Variants in GPC6 observed in about 807,000 individuals in gnomAD.
GPC6 encodes the protein glypican-6.
A neutral mutation model predicts 55.2 loss-of-function variants in GPC6; 14 were observed. The observed-to-expected ratio is 0.25, with a 90% CI of 0.17 to 0.40. The LOEUF is 0.40. Ranked by LOEUF, GPC6 falls within the 10% of genes least tolerant of loss-of-function variation. GPC6 has a pLI of 1.00. For missense variants in GPC6, 641 were observed against 708.5 expected, an observed-to-expected ratio of 0.90 and a Z score of 1.08; for synonymous variants, 278 against 259.6, an observed-to-expected ratio of 1.07 and a Z score of -0.68.
At chr13:94,047,557 G>A (rs1018058080) in intron 4 of GPC6, among the ~76,000 whole-genome samples, 4 of 152,056 alleles carry the variant, frequency 2.6e-5, no homozygotes, top group African/African-American at 7.2e-5. Flanking sequence ...AGCAAATAAT[G>A]TACAGTGGTT....
At chr13:93,949,908 G>A (rs1879176973) in intron 3 of GPC6, among the ~76,000 whole-genome samples, 1 of 151,902 alleles carries the variant, frequency 6.6e-6, no homozygotes, top group African/African-American at 2.4e-5. Context: ...TGTATTTTTT[G>A]TAGAGCCAGG....
intron 3 of GPC6, among the ~76,000 whole-genome samples, chr13:93,947,153 C>A (rs1330133319): frequency 6.6e-6 from 1 of 152,154 alleles, no homozygotes; most frequent in Non-Finnish European, 1.5e-5. Flanking sequence ...ACTAGTCCTT[C>A]CTAGATGTGC....
At chr13:93,484,578 T>G (rs55967034) in intron 1 of GPC6, among the ~76,000 whole-genome samples, 4,789 of 152,250 alleles carry the variant, frequency 0.031, 255 homozygotes, top group African/African-American at 0.11. Context: ...TTCTCTTTTT[T>G]GCAGGTTTTA....
intron 2 of GPC6, among the ~76,000 whole-genome samples, chr13:93,744,927 ACT>A (rs891183657): frequency 1.9e-4 from 27 of 145,076 alleles, no homozygotes; most frequent in African/African-American, 5.0e-4. Flanking sequence ...ACAGAGCAAG[ACT>A]CTGTCTCAAA....
In GPC6 at chr13:93,948,941, C is replaced by T. The variant is rs143298498; in HGVS notation, c.712-78788C>T. Among the ~76,000 whole-genome samples the T allele has an allele frequency of 1.7e-3, 262 of 152,204 alleles. 2 individuals carry two copies. The highest frequency in any genetic ancestry group is 6.0e-3 in the African/African-American group (250 of 41,538). On this transcript the variant is annotated intron_variant, in intron 3 of 8. Transcript: ENST00000377047. ...CTTCATTGCAATGTTTTTAAATCCC[C>T]ATATGTTCTGATATTTCCAAAACAG...
chr13:94,216,050 GAGTGAA>G (rs1016638378), intron 4 of GPC6, among the ~76,000 whole-genome samples: 8 of 152,162 alleles, frequency 5.3e-5, no homozygotes, highest in Non-Finnish European at 1.0e-4. Flanking sequence ...TCTGTAGGAA[GAGTGAA>G]AAAGGGTCAA....
At chr13:94,121,029 A>T (rs1157833759) in intron 4 of GPC6, among the ~76,000 whole-genome samples, 3 of 152,122 alleles carry the variant, frequency 2.0e-5, no homozygotes, top group African/African-American at 7.2e-5. Context: ...CATTAAAAAG[A>T]TTAATGGGAG....
intron 2 of GPC6, among the ~76,000 whole-genome samples, chr13:93,767,506 A>G (rs1203843877): frequency 2.0e-5 from 3 of 152,172 alleles, no homozygotes; most frequent in Non-Finnish European, 2.9e-5. Context: ...TCTCTTCTTC[A>G]AACAAAATGA....
intron 3 of GPC6, among the ~76,000 whole-genome samples, chr13:93,927,625 G>A (rs758669435): frequency 1.3e-5 from 2 of 150,988 alleles, no homozygotes; most frequent in Non-Finnish European, 2.9e-5. Context: ...TGGATCTACT[G>A]CATAGTAAAA....
intron 1 of GPC6, among the ~76,000 whole-genome samples, chr13:93,264,709 T>G (rs187956211): frequency 1.0e-3 from 153 of 152,362 alleles, no homozygotes; most frequent in African/African-American, 3.6e-3. Flanking sequence ...TCCTGTATAC[T>G]TTAAATCATC....
chr13:94,233,121 T>G (rs933086063), intron 4 of GPC6, among the ~76,000 whole-genome samples: 1 of 149,892 alleles, frequency 6.7e-6, no homozygotes, highest in Admixed American at 6.7e-5. Flanking sequence ...AATGTACCCA[T>G]CACTGTCTTC....
At chr13:94,382,077 C>G in intron 6 of GPC6, among the ~76,000 whole-genome samples, 1 of 152,278 alleles carries the variant, frequency 6.6e-6, no homozygotes, top group Non-Finnish European at 1.5e-5. Context: ...AGAGACTATA[C>G]TTGGGGTGTT....
intron 3 of GPC6, among the ~76,000 whole-genome samples, chr13:93,955,795 A>G (rs1346600048): frequency 6.6e-6 from 1 of 152,206 alleles, no homozygotes; most frequent in Non-Finnish European, 1.5e-5. Context: ...ACTTTAACAG[A>G]ATTTAACAGA....
chr13:93,630,501 G>T (rs569974152), intron 2 of GPC6, among the ~76,000 whole-genome samples: 1 of 152,196 alleles, frequency 6.6e-6, no homozygotes, highest in South Asian at 2.1e-4. Flanking sequence ...CACCCTACTG[G>T]CAATGAAGTA....
At chr13:94,146,320 A>G (rs1337925599) in intron 4 of GPC6, among the ~76,000 whole-genome samples, 1 of 152,166 alleles carries the variant, frequency 6.6e-6, no homozygotes, top group African/African-American at 2.4e-5. Context: ...AAGAAAAAAA[A>G]ACAAGTTGTG....
intron 1 of GPC6, among the ~76,000 whole-genome samples, chr13:93,263,585 G>A (rs556019855): frequency 1.3e-5 from 2 of 152,128 alleles, no homozygotes; most frequent in African/African-American, 2.4e-5. Flanking sequence ...GGCTGATCTC[G>A]AACTCCTGAC....
chr13:93,950,592 G>A (rs528976478), intron 3 of GPC6, among the ~76,000 whole-genome samples: 10 of 152,220 alleles, frequency 6.6e-5, no homozygotes, highest in East Asian at 1.9e-4. Flanking sequence ...CAATTGCTCC[G>A]TCTGATCCCT....
intron 4 of GPC6, among the ~76,000 whole-genome samples, chr13:94,226,222 T>G (rs1467749087): frequency 6.6e-6 from 1 of 152,152 alleles, no homozygotes; most frequent in African/African-American, 2.4e-5. Context: ...AAATAATTTT[T>G]GCTTAGTGAG....
At chr13:94,364,462 A>T (rs915702674) in intron 6 of GPC6, among the ~76,000 whole-genome samples, 3 of 152,194 alleles carry the variant, frequency 2.0e-5, no homozygotes, top group Non-Finnish European at 4.4e-5. Context: ...TAGTCCCCCA[A>T]TGCCATATGT....
Sources: gnomAD v4.1 joint callset for allele counts (sites outside exome capture counted in the v4.1 genomes callset) on GRCh38, gnomAD v4.1.1 for gene constraint, MANE v1.5 for transcripts, NCBI Gene and HGNC (gene_info 2026-07-23, HGNC 2026-07-21) for gene names.